DNAJC24: variants seen among roughly 807,000 people sequenced by gnomAD.
DNAJC24 encodes the protein DnaJ heat shock protein family (Hsp40) member C24.
In DNAJC24, 17 loss-of-function variants were observed where a neutral mutation model predicts 18.0. The ratio of observed to expected loss-of-function variants is 0.94; its 90% confidence interval spans 0.65 to 1.42. The LOEUF is 1.42. DNAJC24 is among the 40% of genes most tolerant of loss of function. DNAJC24 has a pLI of 0.00. For synonymous variants in DNAJC24, 55 were observed against 57.7 expected (o/e 0.95, Z 0.21); for missense variants, 158 against 175.6 (o/e 0.90, Z 0.57).
intron 2 of DNAJC24, among the ~76,000 whole-genome samples, chr11:31,384,325 A>G (rs1952407074): frequency 6.6e-6 from 1 of 152,222 alleles, no homozygotes; most frequent in East Asian, 1.9e-4. Flanking sequence ...TCCATATCCT[A>G]TCTTTACTCT....
At chr11:31,396,176 T>C in intron 2 of DNAJC24, 1 of 394,406 alleles carries the variant, frequency 2.5e-6, no homozygotes, top group South Asian at 2.0e-5. Context: ...TGACATCTGA[T>C]ACTGTTGTAA....
In DNAJC24 at chr11:31,391,064, A is replaced by C. The variant is rs80329799; in HGVS notation, c.111+20205A>C. 7.4e-4 allele frequency among the ~76,000 whole-genome samples: 112 copies of C among 152,312 alleles called. 1 individual carries two copies. The East Asian group carries it at 0.021, about 28-fold the overall frequency. On this transcript the variant is annotated intron_variant, in intron 2 of 4. Coordinates refer to ENST00000465995, the MANE Select transcript of DNAJC24 (RefSeq NM_181706.5). ...TGGTTCAGCATACATAGATCAATCAATGTGATCCATCTTATCAACAGAATG... is the reference window on the plus strand; with the variant it reads ...TGGTTCAGCATACATAGATCAATCACTGTGATCCATCTTATCAACAGAATG...
At chr11:31,379,273 T>G (rs1025790420) in intron 2 of DNAJC24, among the ~76,000 whole-genome samples, 1 of 151,980 alleles carries the variant, frequency 6.6e-6, no homozygotes, top group African/African-American at 2.4e-5. Flanking sequence ...TGGCACTGGG[T>G]TCTCATAGGA....
intron 3 of DNAJC24, among the ~76,000 whole-genome samples, chr11:31,424,169 A>T (rs1288532481): frequency 2.6e-5 from 4 of 152,194 alleles, no homozygotes; most frequent in Non-Finnish European, 4.4e-5. Flanking sequence ...CAATTAGTAT[A>T]TTACAGGTGT....
intron 2 of DNAJC24, among the ~76,000 whole-genome samples, chr11:31,397,856 A>G (rs1952558677): frequency 6.8e-6 from 1 of 147,794 alleles, no homozygotes; most frequent in Non-Finnish European, 1.5e-5. Context: ...TCTGTTGCCC[A>G]GGCTGGTGCG....
intron 2 of DNAJC24, among the ~76,000 whole-genome samples, chr11:31,386,931 T>G (rs554041553): frequency 7.2e-4 from 109 of 151,628 alleles, no homozygotes; most frequent in Non-Finnish European, 1.2e-3. Flanking sequence ...GTCTGTAGGC[T>G]TTGAGTGAAC....
At chr11:31,387,191 G>A (rs1030122079) in intron 2 of DNAJC24, among the ~76,000 whole-genome samples, 2 of 152,208 alleles carry the variant, frequency 1.3e-5, no homozygotes, top group African/African-American at 4.8e-5. Context: ...TGAAGGGAAG[G>A]ACAGAAGCCT....
intron 2 of DNAJC24, among the ~76,000 whole-genome samples, chr11:31,404,669 C>G (rs1367386346): frequency 6.6e-6 from 1 of 152,136 alleles, no homozygotes; most frequent in East Asian, 1.9e-4. Context: ...ATGAGTGCCT[C>G]AAGCAATAGT....
intron 2 of DNAJC24, among the ~76,000 whole-genome samples, chr11:31,372,230 T>C (rs376381555): frequency 2.4e-5 from 2 of 84,130 alleles, no homozygotes; most frequent in African/African-American, 5.9e-5. Context: ...ATGTCTGTAA[T>C]TCTATACCGA....
chr11:31,396,417 T>G, intron 2 of DNAJC24: 2 of 363,228 alleles, frequency 5.5e-6, no homozygotes, highest in East Asian at 1.5e-4. Flanking sequence ...CTCAATTATA[T>G]GCAAATTTTT....
At chr11:31,390,050 G>GA (rs1464139024) in intron 2 of DNAJC24, among the ~76,000 whole-genome samples, 3 of 152,008 alleles carry the variant, frequency 2.0e-5, no homozygotes, top group African/African-American at 7.2e-5. Flanking sequence ...GTGCCCACAT[G>GA]AAAAAAGGAG....
chr11:31,402,749 A>G (rs1462464940), intron 2 of DNAJC24, among the ~76,000 whole-genome samples: 1 of 152,104 alleles, frequency 6.6e-6, no homozygotes, highest in East Asian at 1.9e-4. Context: ...GCCTCAAGTG[A>G]TCCTCCTGCC....
chr11:31,430,037 T>C (rs1469407276), intron 4 of DNAJC24, among the ~76,000 whole-genome samples: 3 of 152,228 alleles, frequency 2.0e-5, no homozygotes, highest in Non-Finnish European at 2.9e-5. Flanking sequence ...ATCCTTGGAC[T>C]TTTAATTCAT....
chr11:31,381,838 A>G (rs2133471003), intron 2 of DNAJC24, among the ~76,000 whole-genome samples: 1 of 152,192 alleles, frequency 6.6e-6, no homozygotes, highest in Admixed American at 6.5e-5. Context: ...CTGCCTCCCA[A>G]AGTGCTGGGA....
chr11:31,393,833 T>G (rs1952520843), intron 2 of DNAJC24, among the ~76,000 whole-genome samples: 1 of 152,182 alleles, frequency 6.6e-6, no homozygotes, highest in Non-Finnish European at 1.5e-5. Flanking sequence ...GTACCATCTA[T>G]TCTGGTTATT....
At chr11:31,389,721 C>T (rs1952469395) in intron 2 of DNAJC24, among the ~76,000 whole-genome samples, 2 of 152,208 alleles carry the variant, frequency 1.3e-5, no homozygotes, top group Admixed American at 6.5e-5. Flanking sequence ...TTCTTCTCAT[C>T]AGCACATGTA....
At chr11:31,427,730 A>G (rs1952876613) in intron 4 of DNAJC24, 1 of 152,090 alleles carries the variant, frequency 6.6e-6, no homozygotes, top group African/African-American at 2.4e-5. Context: ...CGATATGGGT[A>G]ATATATTTTG....
chr11:31,381,981 C>T (rs891831199), intron 2 of DNAJC24, among the ~76,000 whole-genome samples: 7 of 152,044 alleles, frequency 4.6e-5, no homozygotes, highest in Non-Finnish European at 7.4e-5. Flanking sequence ...TGTATATATT[C>T]GAATCTGTTT....
At chr11:31,429,397 CA>C in intron 4 of DNAJC24, 1 of 311,964 alleles carries the variant, frequency 3.2e-6, no homozygotes, top group Non-Finnish European at 7.1e-6. Context: ...TGTATGAAAT[CA>C]TGAGTCCTTT....
Sources: allele counts gnomAD v4.1 joint callset (sites outside exome capture counted in the v4.1 genomes callset), GRCh38; gene constraint gnomAD v4.1.1; transcripts MANE v1.5; gene names NCBI Gene and HGNC (gene_info 2026-07-23, HGNC 2026-07-21).